AGBL5: variants seen among roughly 807,000 people sequenced by gnomAD.
AGBL5 encodes cytosolic carboxypeptidase-like protein 5.
AGBL5 carries 51 observed loss-of-function variants against 88.0 expected under a neutral mutation model. The observed-to-expected ratio is 0.58, with a 90% CI of 0.46 to 0.73. AGBL5 has a LOEUF of 0.73. Among genes scored for constraint, AGBL5 ranks in the 30% least tolerant of loss-of-function variants. The pLI is 0.00. For synonymous variants in AGBL5, 446 were observed against 438.8 expected (o/e 1.02, Z -0.21); for missense variants, 1,031 against 1,162.2 (o/e 0.89, Z 1.64).
chr2:27,067,504 C>T lies in AGBL5; in HGVS notation c.2100C>T (p.Ser700=). 1 of 1,613,974 alleles carries T rather than the reference C, an allele frequency of 6.2e-7. No homozygotes were observed. Among genetic ancestry groups the T allele is most frequent in the Non-Finnish European group, 8.5e-7 (1 of 1,179,912 alleles). ...ATCTCTTCCACTCAGAGCCCCGAAG[C>T]CAGGACAGGAGACGGCAGCAGCAGC... ...RVLGPVREPR[S]QDRRRQQQPL... is the part of the protein sequence containing the mutation. Residue 700 remains serine, a synonymous_variant, in exon 12 of 15, where the codon AGC becomes AGT. Coordinates refer to ENST00000360131, the MANE Select transcript of AGBL5 (RefSeq NM_021831.6).
chr2:27,058,328 T>C, intron 9 of AGBL5, 72 bp from the exon 10 acceptor site: 2 of 1,562,534 alleles, frequency 1.3e-6, no homozygotes, highest in South Asian at 2.2e-5. Context: ...TCCACTGTGC[T>C]GTGTACCCAC....
At chr2:27,069,488 T>C in intron 13 of AGBL5, 85 bp from the exon 14 acceptor site, 1 of 1,565,178 alleles carries the variant, frequency 6.4e-7, no homozygotes, top group South Asian at 1.2e-5. Context: ...TACAACACTC[T>C]TATGCATGGA....
At chr2:27,065,229 C>G (rs1282425370) in intron 11 of AGBL5, among the ~76,000 whole-genome samples, 1 of 152,174 alleles carries the variant, frequency 6.6e-6, no homozygotes, top group Admixed American at 6.6e-5. Flanking sequence ...AAGTTAATAG[C>G]CCATCAGTTT....
At chr2:27,055,621 C>G in intron 6 of AGBL5, 61 bp from the exon 7 acceptor site, 6 of 1,469,448 alleles carry the variant, frequency 4.1e-6, no homozygotes, top group Non-Finnish European at 5.6e-6. Context: ...TTCATCTACA[C>G]TAGTGTCTCC....
At chr2:27,069,090 C>T in intron 13 of AGBL5, 14 of 1,347,094 alleles carry the variant, frequency 1.0e-5, no homozygotes, top group Non-Finnish European at 1.4e-5. Flanking sequence ...TCCCGGATTC[C>T]CCAGGTAACA....
At chr2:27,056,541 C>A in intron 7 of AGBL5, 82 bp from the exon 8 acceptor site, 1 of 1,273,594 alleles carries the variant, frequency 7.9e-7, no homozygotes, top group Non-Finnish European at 1.1e-6. Context: ...TATTAAGTCA[C>A]ATGGTCACAT....
At chr2:27,054,104 C>T in intron 4 of AGBL5, 45 bp downstream of exon 4, 3 of 1,551,520 alleles carry the variant, frequency 1.9e-6, no homozygotes, top group Non-Finnish European at 2.6e-6. Context: ...CTGGATCAGA[C>T]AGCACCTCCA....
chr2:27,069,142 C>G, intron 13 of AGBL5: 1 of 1,337,850 alleles, frequency 7.5e-7, no homozygotes. Flanking sequence ...CCACCAACTC[C>G]GATTCAGTCC....
chr2:27,070,041 A>G, intron 14 of AGBL5, 51 bp from the exon 15 acceptor site: 1 of 1,578,154 alleles, frequency 6.3e-7, no homozygotes, highest in Non-Finnish European at 8.6e-7. Context: ...AGCAGAACAG[A>G]AGAGGAGGAG....
At position 27,059,240 on chromosome 2, in the gene AGBL5, T is replaced by G; in HGVS notation, c.1925T>G (p.Phe642Cys). 1.2e-6 allele frequency: 2 copies of G among 1,614,050 alleles called. No individual in the cohort carries two copies. The highest frequency in any genetic ancestry group is 1.7e-6 in the Non-Finnish European group (2 of 1,180,000). ...AACACCTTGAGTCGGGCACGAAGTT[T>G]TAGCACCGGCACAAGTGCCGGTGGT... ...SENTLSRARS[F>C]STGTSAGGSS... Residue 642 changes from phenylalanine (F) to cysteine (C), a missense_variant, in exon 11 of 15, where the codon TTT (phenylalanine) becomes TGT (cysteine). This residue lies in a region of AGBL5 where 491 missense variants were observed against 484.0 expected (regional missense o/e 1.01). Coordinates refer to ENST00000360131, the MANE Select transcript of AGBL5 (RefSeq NM_021831.6).
At chr2:27,054,223 TATGACCCTG>T (rs1400506683) in intron 4 of AGBL5, 164 bp downstream of exon 4, 3 of 861,904 alleles carry the variant, frequency 3.5e-6, no homozygotes, top group Non-Finnish European at 5.1e-6. Flanking sequence ...TATGTTTCTG[TATGACCCTG>T]ATCTCAGCAT....
intron 12 of AGBL5, among the ~76,000 whole-genome samples, chr2:27,068,091 C>G (rs1669084876): frequency 6.6e-6 from 1 of 152,136 alleles, no homozygotes; most frequent in Non-Finnish European, 1.5e-5. Flanking sequence ...AAATTATAGA[C>G]CCAGCTATAT....
intron 12 of AGBL5, 69 bp downstream of exon 12, chr2:27,067,715 C>A: frequency 6.3e-7 from 1 of 1,582,638 alleles, no homozygotes; most frequent in Non-Finnish European, 8.7e-7. Context: ...GTTCTTTAAG[C>A]CTAGTTGGGA....
At chr2:27,057,116 TG>T in intron 8 of AGBL5, 186 bp from the exon 9 acceptor site, 1 of 621,040 alleles carries the variant, frequency 1.6e-6, no homozygotes. Flanking sequence ...GACTCTACCT[TG>T]GGGGGACTCT....
At position 27,068,721 on chromosome 2, in the gene AGBL5, C is replaced by T. The variant is rs745681971; in HGVS notation, c.2332C>T (p.Pro778Ser). Reference protein sequence around the residue: ...KGLLGTGARMPCIKTRLQARP... With the variant: ...KGLLGTGARMSCIKTRLQARP... ...TCTGCTAGGGACTGGAGCTCGGATG[C>T]CCTGCATCAAGACTCGATTGCAGGT... Residue 778 changes from proline to serine, a missense_variant, in exon 13 of 15, where the codon CCC (proline) becomes TCC (serine). Physicochemically the swap from Pro to Ser is moderately conservative, Grantham distance 74. Coordinates refer to ENST00000360131, the MANE Select transcript of AGBL5 (RefSeq NM_021831.6). 1 of 1,614,100 alleles carries T rather than the reference C, an allele frequency of 6.2e-7. No homozygotes were observed. The highest frequency in any genetic ancestry group is 1.1e-5 in the South Asian group (1 of 91,072).
rs140562008 is a variant in AGBL5, at chr2:27,058,565, A to G, written c.1837A>G (p.Lys613Glu). Reference protein sequence around the residue: ...LSSTLNVGVNKKRGLRTPPKS... With the variant: ...LSSTLNVGVNEKRGLRTPPKS... ...CAGCACTCTGAATGTGGGTGTCAAC[A>G]AGAAGAGGGGCCTTCGAACTCCACC... The change falls in exon 10 of 15, where the codon AAG (lysine) becomes GAG (glutamate). Residue 613 changes from lysine to glutamate, a missense_variant. Lys to Glu is a moderately conservative substitution (Grantham distance 56). Around this residue, in one of 2 missense-constraint regions of AGBL5, gnomAD observed 491 missense variants for 484.0 expected, o/e 1.01. Coordinates refer to ENST00000360131, the MANE Select transcript of AGBL5 (RefSeq NM_021831.6). 35 of 1,614,040 alleles carry G rather than the reference A, an allele frequency of 2.2e-5. No individual in the cohort carries two copies. The African/African-American group carries it at 4.7e-4, about 22-fold the overall frequency.
rs754458465 is a variant in AGBL5, at chr2:27,056,152, G to C, written c.1365+14G>C. The C allele has an allele frequency of 6.2e-7, 1 of 1,604,266 alleles. No individual in the cohort carries two copies. The highest frequency in any genetic ancestry group is 1.7e-5 in the Admixed American group (1 of 59,874). Reference sequence around the variant, plus strand: ...GAGAGCACCCAGGTGGGAATCCTAAGAATGTCATGTGAGTGTGAGAAGTGT... The same window carrying C: ...GAGAGCACCCAGGTGGGAATCCTAACAATGTCATGTGAGTGTGAGAAGTGT... On this transcript the variant is annotated intron_variant, in intron 7 of 14. Coordinates refer to ENST00000360131, the MANE Select transcript of AGBL5 (RefSeq NM_021831.6).
In AGBL5 at chr2:27,051,695, C is replaced by T. The variant is rs1018922353; in HGVS notation, c.-145C>T. ...AGCGGGGTCCCGGCACCGCGGCGCT[C>T]GGGTGTTTTTGGGGGCCCGGGTGGA... On this transcript the variant is annotated 5_prime_UTR_variant, in exon 1 of 15. Coordinates refer to ENST00000360131, the MANE Select transcript of AGBL5 (RefSeq NM_021831.6). 1 of 152,218 alleles carries T rather than the reference C, an allele frequency of 6.6e-6. No homozygotes were observed. Among genetic ancestry groups the T allele is most frequent in the African/African-American group, 2.4e-5 (1 of 41,460 alleles). 9.4% of individuals were successfully genotyped at this position (152,218 alleles called of 1,614,324 possible). A position where few individuals can be genotyped will look rare whatever the true frequency, so the allele number is the denominator to read the frequency against.
intron 12 of AGBL5, 87 bp downstream of exon 12, chr2:27,067,733 G>A (rs780637531): frequency 3.0e-5 from 42 of 1,407,058 alleles, no homozygotes; most frequent in Non-Finnish European, 3.8e-5. Context: ...GGAGACCAGG[G>A]GCATCACTTA....
Sources: gnomAD v4.1 joint callset for allele counts (sites outside exome capture counted in the v4.1 genomes callset) on GRCh38, gnomAD v4.1.1 for gene constraint, gnomAD v4.1.1 regional missense constraint, MANE v1.5 for transcripts, NCBI Gene and HGNC (gene_info 2026-07-23, HGNC 2026-07-21) for gene names.